ABCC9: variants seen among roughly 807,000 people sequenced by gnomAD.
The protein encoded by ABCC9 is ATP-binding cassette sub-family C member 9.
In ABCC9, 95 loss-of-function variants were observed where a neutral mutation model predicts 188.3. That is an observed-to-expected ratio of 0.50 (90% CI 0.43 to 0.60). The LOEUF is 0.60. Among genes scored for constraint, ABCC9 ranks in the 20% least tolerant of loss-of-function variants. The pLI, the probability that ABCC9 is intolerant of heterozygous loss-of-function variation, is 0.00. For missense variants in ABCC9, 1,102 were observed against 1,876.3 expected, an observed-to-expected ratio of 0.59 and a Z score of 7.62; for synonymous variants, 659 against 652.7, an observed-to-expected ratio of 1.01 and a Z score of -0.15.
intron 21 of ABCC9, 132 bp from the exon 22 acceptor site, chr12:21,859,798 A>ACAT: frequency 1.2e-6 from 1 of 813,508 alleles, no homozygotes; most frequent in South Asian, 1.4e-5. Flanking sequence ...AATTGTAGTA[A>ACAT]CATTGGTAAG....
At chr12:21,816,134 TTTTTTCGTG>T (rs1185381063) in intron 33 of ABCC9, among the ~76,000 whole-genome samples, 1 of 149,594 alleles carries the variant, frequency 6.7e-6, no homozygotes, top group Non-Finnish European at 1.5e-5. Context: ...TTAAGACAGT[TTTTTTCGTG>T]TTTGTTTTTG....
At chr12:21,895,165 G>A (rs1438347269) in intron 13 of ABCC9, 110 bp downstream of exon 13, 94 of 921,688 alleles carry the variant, frequency 1.0e-4, no homozygotes, top group Non-Finnish European at 1.6e-4. Context: ...GCCATAGAGA[G>A]AAGTCACAGA....
chr12:21,844,053 C>T (rs1023935261), intron 28 of ABCC9, among the ~76,000 whole-genome samples: 11 of 152,090 alleles, frequency 7.2e-5, no homozygotes, highest in African/African-American at 2.4e-4. Flanking sequence ...AGTATCACAC[C>T]ATCTGAAGCT....
intron 16 of ABCC9, among the ~76,000 whole-genome samples, chr12:21,880,507 A>G (rs1946569467): frequency 6.6e-6 from 1 of 152,198 alleles, no homozygotes; most frequent in South Asian, 2.1e-4. Flanking sequence ...TCAAAGTAGT[A>G]CCAAAAATTT....
intron 30 of ABCC9, among the ~76,000 whole-genome samples, chr12:21,834,786 T>TATACACACAC (rs113973392): frequency 0.021 from 2,988 of 141,556 alleles, 67 homozygotes; most frequent in African/African-American, 0.034. Flanking sequence ...TATAACATTA[T>TATACACACAC]ACACACACAC....
intron 7 of ABCC9, among the ~76,000 whole-genome samples, chr12:21,915,422 A>G: frequency 7.4e-6 from 1 of 134,452 alleles, no homozygotes; most frequent in South Asian, 2.5e-4. Context: ...ACACGTGTAT[A>G]TATGTGTGTA....
chr12:21,893,883 G>C, intron 14 of ABCC9, 149 bp downstream of exon 14: 1 of 796,132 alleles, frequency 1.3e-6, no homozygotes, highest in Non-Finnish European at 1.9e-6. Flanking sequence ...ATAAATAAAA[G>C]ACTGAAAAGT....
intron 35 of ABCC9, among the ~76,000 whole-genome samples, chr12:21,812,786 C>A (rs557686580): frequency 1.3e-5 from 2 of 152,162 alleles, no homozygotes; most frequent in Admixed American, 6.5e-5. Flanking sequence ...CACCATGGCA[C>A]ATGTATACCT....
chr12:21,916,572 C>T (rs1343270094), intron 6 of ABCC9, among the ~76,000 whole-genome samples: 1 of 152,136 alleles, frequency 6.6e-6, no homozygotes, highest in Non-Finnish European at 1.5e-5. Flanking sequence ...ATTTTCTTTT[C>T]AGTTTTAAAT....
At chr12:21,867,575 T>C (rs548826967) in intron 18 of ABCC9, among the ~76,000 whole-genome samples, 8 of 152,134 alleles carry the variant, frequency 5.3e-5, no homozygotes, top group African/African-American at 1.7e-4. Flanking sequence ...AGGAATGACA[T>C]TTGGAAGAAG....
chr12:21,896,271 G>C (rs918749315), intron 12 of ABCC9, among the ~76,000 whole-genome samples: 1 of 151,850 alleles, frequency 6.6e-6, no homozygotes, highest in African/African-American at 2.4e-5. Context: ...CCTTACCACC[G>C]TACATAGAAC....
intron 12 of ABCC9, among the ~76,000 whole-genome samples, chr12:21,905,414 TAAA>T (rs546862783): frequency 6.9e-6 from 1 of 144,920 alleles, no homozygotes; most frequent in African/African-American, 2.5e-5. Flanking sequence ...AAAGTATAAT[TAAA>T]AAAAAAAAGA....
chr12:21,845,958 T>A (rs947129491), intron 25 of ABCC9, 126 bp from the exon 26 acceptor site: 9 of 783,320 alleles, frequency 1.1e-5, no homozygotes, highest in Non-Finnish European at 1.9e-5. Context: ...ATTGAAGTTT[T>A]AAATGCTTTT....
chr12:21,890,467 G>C (rs1947098165), intron 14 of ABCC9, among the ~76,000 whole-genome samples: 1 of 152,024 alleles, frequency 6.6e-6, no homozygotes, highest in Non-Finnish European at 1.5e-5. Context: ...TACTGCTCCT[G>C]CTGTTAAAAC....
intron 5 of ABCC9, among the ~76,000 whole-genome samples, chr12:21,922,744 T>C (rs1948875553): frequency 7.6e-6 from 1 of 131,658 alleles, no homozygotes; most frequent in Non-Finnish European, 1.5e-5. Context: ...CCAAGCTTTT[T>C]TTTTTTCTTT....
intron 30 of ABCC9, among the ~76,000 whole-genome samples, chr12:21,836,386 T>C (rs1944093306): frequency 6.6e-6 from 1 of 152,198 alleles, no homozygotes; most frequent in Admixed American, 6.5e-5. Context: ...CTGTACTTAA[T>C]GTATGTTCCA....
intron 5 of ABCC9, among the ~76,000 whole-genome samples, chr12:21,920,741 T>C (rs1380142709): frequency 6.6e-6 from 1 of 151,998 alleles, no homozygotes; most frequent in Non-Finnish European, 1.5e-5. Context: ...GCCTCTGGTA[T>C]CCATCATTCT....
At chr12:21,900,683 T>A (rs1947698214) in intron 12 of ABCC9, among the ~76,000 whole-genome samples, 1 of 152,170 alleles carries the variant, frequency 6.6e-6, no homozygotes, top group Non-Finnish European at 1.5e-5. Flanking sequence ...CAGTAGCTGA[T>A]TTGATCAACT....
chr12:21,807,948 T>A (rs1303858219), intron 37 of ABCC9, among the ~76,000 whole-genome samples: 1 of 145,020 alleles, frequency 6.9e-6, no homozygotes. Flanking sequence ...CCGGGTTTAT[T>A]TTTTTTTTGT....
Sources: gnomAD v4.1 joint callset for allele counts (sites outside exome capture counted in the v4.1 genomes callset) on GRCh38, gnomAD v4.1.1 for gene constraint, MANE v1.5 for transcripts, NCBI Gene and HGNC (gene_info 2026-07-23, HGNC 2026-07-21) for gene names.